The following GPAT3 variants were observed in gnomAD, a reference collection of about 807,000 sequenced individuals.
The protein encoded by GPAT3 is glycerol-3-phosphate acyltransferase 3.
A neutral mutation model predicts 58.8 loss-of-function variants in GPAT3; 53 were observed. The observed-to-expected ratio is 0.90, with a 90% confidence interval of 0.72 to 1.13. GPAT3 has a LOEUF of 1.13. Ranked by LOEUF, GPAT3 falls within the 50% of genes most tolerant of loss-of-function variation. The pLI, the probability that GPAT3 is intolerant of heterozygous loss-of-function variation, is 0.00. For synonymous variants in GPAT3, 197 were observed against 187.4 expected, an observed-to-expected ratio of 1.05 and a Z score of -0.42; for missense variants, 511 against 527.6, an observed-to-expected ratio of 0.97 and a Z score of 0.31.
Position 83,581,647 on chromosome 4 carries a change from T to G in GPAT3, c.294T>G (p.Tyr98Ter). 1 of 1,614,174 alleles carries G rather than the reference T, an allele frequency of 6.2e-7. No homozygotes were observed. The highest frequency in any genetic ancestry group is 8.5e-7 in the Non-Finnish European group (1 of 1,180,020). ...GRDFELSDVF[Y>*]FSKKGLEAIV... The stretch of plus-strand genomic sequence containing the variant: ...ACTTTGAGCTGTCTGACGTGTTTTA[T>G]TTCTCCAAGAAGGGATTGGAAGCCA... The change falls in exon 3 of 12, where the codon TAT becomes TAG. Residue 98 changes from tyrosine (Y) to a stop codon, truncating the protein, a stop_gained. Transcript: ENST00000264409. LOFTEE classifies it high-confidence loss of function.
chr4:83,542,984 G>A (rs1224592333), intron 1 of GPAT3, among the ~76,000 whole-genome samples: 6 of 152,058 alleles, frequency 3.9e-5, no homozygotes, highest in African/African-American at 1.2e-4. Flanking sequence ...GGTAACAAGA[G>A]CGAAAACTCC....
At chr4:83,545,050 T>C (rs1030784186) in intron 2 of GPAT3, among the ~76,000 whole-genome samples, 2 of 152,154 alleles carry the variant, frequency 1.3e-5, no homozygotes, top group Non-Finnish European at 2.9e-5. Flanking sequence ...AAAAAATAAT[T>C]TTCTCGTGAA....
chr4:83,544,380 G>A (rs1309129629), intron 1 of GPAT3, among the ~76,000 whole-genome samples, 156 bp from the exon 2 acceptor site: 1 of 152,164 alleles, frequency 6.6e-6, no homozygotes, highest in Non-Finnish European at 1.5e-5. Context: ...CTTGGGACTT[G>A]GAATATTGCT....
chr4:83,547,339 G>A (rs976581712), intron 2 of GPAT3, among the ~76,000 whole-genome samples: 11 of 134,370 alleles, frequency 8.2e-5, no homozygotes, highest in East Asian at 2.4e-4. Context: ...TGCAAGCTCC[G>A]CCTCCCAGAT....
In GPAT3 at chr4:83,536,307, G is replaced by T. The variant is rs1284561754; in HGVS notation, c.-316G>T. 2.8e-6 allele frequency: 3 copies of T among 1,084,598 alleles called. No homozygotes were observed. The African/African-American group carries it at 4.9e-5, about 18-fold the overall frequency. 67.2% of individuals were successfully genotyped at this position (1,084,598 alleles called of 1,614,324 possible). A position where few individuals can be genotyped will look rare whatever the true frequency, so the allele number is the denominator to read the frequency against. ...GCTCGCGCGCTCTGCCCGCGCCGCG[G>T]TGTGCCTCCGCTTACCCGCAGCTCC... On this transcript the variant is annotated 5_prime_UTR_variant, in exon 1 of 12. Coordinates refer to ENST00000264409, the MANE Select transcript of GPAT3 (RefSeq NM_032717.5).
intron 2 of GPAT3, among the ~76,000 whole-genome samples, chr4:83,575,579 A>AT (rs1385742509): frequency 2.1e-4 from 31 of 151,138 alleles, no homozygotes; most frequent in African/African-American, 5.8e-4. Context: ...CGCCTGGCTA[A>AT]TTTTTTTTGT....
Position 83,597,442 on chromosome 4 carries a change from A to G in GPAT3, c.923A>G (p.Asn308Ser), listed in dbSNP as rs375627398. Residue 308 changes from asparagine to serine, a missense_variant, in exon 9 of 12, where the codon AAC becomes AGC. Asn to Ser is a conservative substitution (Grantham distance 46, BLOSUM62 1). Coordinates refer to ENST00000264409, the MANE Select transcript of GPAT3 (RefSeq NM_032717.5). Reference sequence around the variant, plus strand: ...CACCCCCTTGCAGGAACTTGCATCAACAATACTTCAGTCATGATGTTTAAA... The same window carrying G: ...CACCCCCTTGCAGGAACTTGCATCAGCAATACTTCAGTCATGATGTTTAAA... ...ILIFPEGTCINNTSVMMFKKG... is the reference protein window; with the variant it reads ...ILIFPEGTCISNTSVMMFKKG... The G allele has an allele frequency of 1.0e-5, 16 of 1,555,074 alleles. No individual in the cohort carries two copies. Among genetic ancestry groups the G allele is most frequent in the Admixed American group, 1.8e-5 (1 of 56,204 alleles).
chr4:83,568,572 A>T (rs1725489501), intron 2 of GPAT3, among the ~76,000 whole-genome samples: 2 of 149,312 alleles, frequency 1.3e-5, no homozygotes, highest in Non-Finnish European at 3.0e-5. Context: ...CTGTGGCGCG[A>T]TCTAGGCTCA....
chr4:83,585,325 A>G (rs1726337868), intron 3 of GPAT3, among the ~76,000 whole-genome samples: 1 of 149,860 alleles, frequency 6.7e-6, no homozygotes, highest in African/African-American at 2.4e-5. Context: ...TTAAGTTATA[A>G]TTATAAAATT....
At position 83,549,114 on chromosome 4, in the gene GPAT3, G is replaced by T. The variant is rs561982517; in HGVS notation, c.208+4512G>T. Among the ~76,000 whole-genome samples the T allele has an allele frequency of 2.0e-5, 3 of 151,434 alleles. No homozygotes were observed. In the South Asian group the frequency reaches 6.3e-4, roughly 32 times the overall value. On this transcript the variant is annotated intron_variant, in intron 2 of 11. Coordinates refer to ENST00000264409, the MANE Select transcript of GPAT3 (RefSeq NM_032717.5). ...CTCCCAGATACTTGAGAGGCTGAAG[G>T]GGGAGGACCTGGAGTTTGAGTGTAG...
chr4:83,596,499 G>A (rs1317543201), intron 7 of GPAT3, among the ~76,000 whole-genome samples: 2 of 152,054 alleles, frequency 1.3e-5, no homozygotes, highest in Non-Finnish European at 2.9e-5. Flanking sequence ...GTGCATATCT[G>A]TGGTTCCAGC....
At chr4:83,556,195 G>C (rs987919184) in intron 2 of GPAT3, among the ~76,000 whole-genome samples, 3 of 152,186 alleles carry the variant, frequency 2.0e-5, no homozygotes, top group South Asian at 4.1e-4. Flanking sequence ...GTTTAATCAA[G>C]TTAGCTGTAT....
At chr4:83,535,625 C>G (rs1314259444), upstream of GPAT3, 4 of 830,488 alleles carry the variant, frequency 4.8e-6, no homozygotes, top group Admixed American at 1.2e-4. Context: ...AGATACTTAG[C>G]CGCAGGGTTT....
rs1724103858 is a variant in GPAT3 at position 83,536,689 on chromosome 4, C to T, written c.67C>T (p.Leu23Phe). 6.2e-7 allele frequency: 1 copy of T among 1,613,672 alleles called. No individual in the cohort carries two copies. The highest frequency in any genetic ancestry group is 1.7e-5 in the Admixed American group (1 of 60,010). ...GCTGACGCTGGTTCTCGGCTTCATC[C>T]TTTTACCTTCGGTCTTCGGAGTGTC... ...TWLTLVLGFI[L>F]LPSVFGVSLG... Residue 23 changes from leucine (L) to phenylalanine (F), a missense_variant, in exon 1 of 12, where the codon CTT (leucine) becomes TTT (phenylalanine). Physicochemically the swap from Leu to Phe is conservative, Grantham distance 22. Transcript: ENST00000264409.
intron 6 of GPAT3, among the ~76,000 whole-genome samples, chr4:83,593,426 A>C (rs919443315): frequency 6.6e-6 from 1 of 152,012 alleles, no homozygotes; most frequent in African/African-American, 2.4e-5. Flanking sequence ...TCAGCCTCCC[A>C]AAGTGCTGGG....
At chr4:83,564,297 A>G (rs375259558) in intron 2 of GPAT3, among the ~76,000 whole-genome samples, 165 of 152,328 alleles carry the variant, frequency 1.1e-3, no homozygotes, top group African/African-American at 3.9e-3. Context: ...ACATGTTTTC[A>G]TGTTTAAGGG....
At chr4:83,600,204 A>G (rs1727004846) in intron 11 of GPAT3, among the ~76,000 whole-genome samples, 1 of 152,126 alleles carries the variant, frequency 6.6e-6, no homozygotes, top group South Asian at 2.1e-4. Context: ...AGTTTTTGAT[A>G]AGGGCTCTCC....
chr4:83,572,845 C>T (rs112941749), intron 2 of GPAT3, among the ~76,000 whole-genome samples: 5,436 of 152,248 alleles, frequency 0.036, 340 homozygotes, highest in African/African-American at 0.12. Flanking sequence ...GCCTAACTTA[C>T]GTCCTGGAAA....
chr4:83,552,615 A>G (rs933634088), intron 2 of GPAT3, among the ~76,000 whole-genome samples: 5 of 152,236 alleles, frequency 3.3e-5, no homozygotes, highest in Non-Finnish European at 7.3e-5. Context: ...AAGGAAAGGT[A>G]GAAAGCAGAC....
Sources: gnomAD v4.1 joint callset for allele counts (sites outside exome capture counted in the v4.1 genomes callset) on GRCh38, gnomAD v4.1.1 for gene constraint, MANE v1.5 for transcripts, NCBI Gene and HGNC (gene_info 2026-07-23, HGNC 2026-07-21) for gene names.